EYS: variants seen among roughly 807,000 people sequenced by gnomAD.
The protein encoded by EYS is protein eyes shut homolog.
Under a neutral mutation model 282.1 loss-of-function variants are expected in EYS, and 250 were observed. That is an observed-to-expected ratio of 0.89 (90% CI 0.80 to 0.98). EYS has a LOEUF of 0.98. Ranked by LOEUF, EYS falls within the 50% of genes least tolerant of loss-of-function variation. The pLI is 0.00. For missense variants in EYS, 4,016 were observed against 3,709.0 expected (o/e 1.08, Z -2.15); for synonymous variants, 1,355 against 1,282.9 (o/e 1.06, Z -1.20).
chr6:65,507,774 G>T (rs1471125408), intron 2 of EYS, among the ~76,000 whole-genome samples: 1 of 151,818 alleles, frequency 6.6e-6, no homozygotes, highest in Admixed American at 6.6e-5. Flanking sequence ...TTTATTTCTA[G>T]CATTTTCTTT....
Position 63,975,943 on chromosome 6 carries a change from C to T in EYS, c.7055+8440G>A, listed in dbSNP as rs534636746. ...AACCCAGATGGCATAGCTTACTATC[C>T]ACCTAGGCGATACAGTATGGTCTAT... On this transcript the variant is annotated intron_variant, in intron 35 of 42. Coordinates refer to ENST00000503581, the MANE Select transcript of EYS (RefSeq NM_001142800.2). Among the ~76,000 whole-genome samples the T allele has an allele frequency of 3.3e-5, 5 of 152,052 alleles. No individual in the cohort carries two copies. The East Asian group carries it at 9.7e-4, about 30-fold the overall frequency.
chr6:64,987,961 A>C (rs1306763950), intron 14 of EYS, among the ~76,000 whole-genome samples: 2 of 151,462 alleles, frequency 1.3e-5, no homozygotes, highest in Non-Finnish European at 3.0e-5. Context: ...TAAATATATT[A>C]TGTTTAACAT....
intron 26 of EYS, among the ~76,000 whole-genome samples, chr6:64,482,650 T>C (rs16895262): frequency 0.3 from 45,421 of 151,414 alleles, 6,865 homozygotes; most frequent in East Asian, 0.47. Context: ...GATTATTGTA[T>C]TATGGTTGTT....
At position 65,296,741 on chromosome 6, in the gene EYS, A is replaced by C. The variant is rs1768677688; in HGVS notation, c.1767-622T>G. Reference sequence around the variant, plus strand: ...TTAGATACATTTTTAATGAATTTGCAAATTTCGACGAGATTTTCCCATAGT... The same window carrying C: ...TTAGATACATTTTTAATGAATTTGCCAATTTCGACGAGATTTTCCCATAGT... On this transcript the variant is annotated intron_variant, in intron 11 of 42. Transcript: ENST00000503581. Among the ~76,000 whole-genome samples, 3 of 151,892 alleles carry C rather than the reference A, an allele frequency of 2.0e-5. No individual in the cohort carries two copies. In the South Asian group the frequency reaches 6.2e-4, roughly 31 times the overall value.
chr6:65,372,863 T>A (rs1274397545), intron 8 of EYS, among the ~76,000 whole-genome samples: 2 of 152,088 alleles, frequency 1.3e-5, no homozygotes, highest in South Asian at 2.1e-4. Flanking sequence ...AGGGTTTTTT[T>A]ATCTCCTCAT....
At chr6:65,197,188 A>G (rs12207416) in intron 12 of EYS, among the ~76,000 whole-genome samples, 7,531 of 152,070 alleles carry the variant, frequency 0.05, 221 homozygotes, top group Middle Eastern at 0.065. Flanking sequence ...TTACTCTCTG[A>G]TGTGGGGGCA....
chr6:65,091,805 G>C (rs947067774), intron 12 of EYS, among the ~76,000 whole-genome samples: 2 of 152,026 alleles, frequency 1.3e-5, no homozygotes, highest in Non-Finnish European at 2.9e-5. Flanking sequence ...TAGCCATTCG[G>C]TTGTAACCTG....
intron 5 of EYS, among the ~76,000 whole-genome samples, chr6:65,428,531 G>A (rs1767750841): frequency 6.6e-6 from 1 of 151,522 alleles, no homozygotes; most frequent in South Asian, 2.1e-4. Flanking sequence ...CAATATTGAG[G>A]TTAAGTAACT....
At chr6:63,779,916 G>C (rs914777588) in intron 39 of EYS, among the ~76,000 whole-genome samples, 2 of 152,018 alleles carry the variant, frequency 1.3e-5, no homozygotes, top group African/African-American at 4.8e-5. Flanking sequence ...CCCCATGACA[G>C]GCCCCAGTGT....
Position 65,327,563 on chromosome 6 carries a change from T to C in EYS, c.1766+7417A>G, listed in dbSNP as rs139426722. Among the ~76,000 whole-genome samples, 85 of 151,782 alleles carry C rather than the reference T, an allele frequency of 5.6e-4. 1 individual carries two copies. The highest frequency in any genetic ancestry group is 1.8e-3 in the African/African-American group (75 of 41,560). Reference sequence around the variant, plus strand: ...GATACACTAAAATCAATGAGACCAATATTTTCTATTAATAGTGCATTTTTG... The same window carrying C: ...GATACACTAAAATCAATGAGACCAACATTTTCTATTAATAGTGCATTTTTG... On this transcript the variant is annotated intron_variant, in intron 11 of 42. Transcript: ENST00000503581.
At position 64,870,615 on chromosome 6, in the gene EYS, G is replaced by A. The variant is rs892068188; in HGVS notation, c.2992+16082C>T. 7.3e-5 allele frequency among the ~76,000 whole-genome samples: 11 copies of A among 151,580 alleles called. No homozygotes were observed. The South Asian group carries it at 8.3e-4, about 11-fold the overall frequency. On this transcript the variant is annotated intron_variant, in intron 19 of 42. Transcript: ENST00000503581. Reference sequence around the variant, plus strand: ...ACAGAACCTTCCTGAATAATACCTCGTGGCAGATCTACCAGACAACAATTT... The same window carrying A: ...ACAGAACCTTCCTGAATAATACCTCATGGCAGATCTACCAGACAACAATTT...
intron 39 of EYS, among the ~76,000 whole-genome samples, chr6:63,779,609 C>T (rs956979690): frequency 2.6e-5 from 4 of 152,022 alleles, no homozygotes; most frequent in Admixed American, 6.6e-5. Flanking sequence ...TTAGCAGTTA[C>T]TTATAGTTTA....
chr6:64,336,383 G>T (rs1770851728), intron 29 of EYS, among the ~76,000 whole-genome samples: 1 of 152,026 alleles, frequency 6.6e-6, no homozygotes, highest in African/African-American at 2.4e-5. Context: ...AAGACACAAA[G>T]AGGGACATTA....
chr6:64,280,419 T>A (rs1179031126), intron 30 of EYS, among the ~76,000 whole-genome samples: 1 of 152,118 alleles, frequency 6.6e-6, no homozygotes, highest in African/African-American at 2.4e-5. Context: ...TCTTATGATT[T>A]CTAGACTATG....
At chr6:65,326,712 T>A (rs1769632338) in intron 11 of EYS, among the ~76,000 whole-genome samples, 1 of 151,686 alleles carries the variant, frequency 6.6e-6, no homozygotes, top group South Asian at 2.1e-4. Flanking sequence ...AAGCATTTAA[T>A]AATCTTTCAT....
intron 12 of EYS, among the ~76,000 whole-genome samples, chr6:65,178,101 AC>A (rs1765273712): frequency 1.3e-5 from 2 of 151,716 alleles, no homozygotes; most frequent in Admixed American, 1.3e-4. Context: ...GCTTACTGGC[AC>A]CCCCCGAGTA....
At chr6:65,311,196 T>G in intron 11 of EYS, among the ~76,000 whole-genome samples, 1 of 152,198 alleles carries the variant, frequency 6.6e-6, no homozygotes, top group Admixed American at 6.5e-5. Context: ...ATATTAATAT[T>G]CTTAGATATA....
intron 30 of EYS, among the ~76,000 whole-genome samples, chr6:64,248,137 A>G (rs1767076307): frequency 6.6e-6 from 1 of 151,888 alleles, no homozygotes; most frequent in Admixed American, 6.6e-5. Context: ...TAGAGGAATG[A>G]GACAGCATGC....
chr6:64,746,276 C>T (rs1050959584), intron 22 of EYS, among the ~76,000 whole-genome samples: 2 of 151,894 alleles, frequency 1.3e-5, no homozygotes, highest in African/African-American at 4.8e-5. Flanking sequence ...TTAATTAATA[C>T]TATTGTCAAG....
Sources: gnomAD v4.1 joint callset for allele counts (sites outside exome capture counted in the v4.1 genomes callset) on GRCh38, gnomAD v4.1.1 for gene constraint, MANE v1.5 for transcripts, NCBI Gene and HGNC (gene_info 2026-07-23, HGNC 2026-07-21) for gene names.